Variants in HMGXB4 observed in about 807,000 individuals in gnomAD.
HMGXB4 encodes the protein HMG domain-containing protein 4.
In HMGXB4, 27 loss-of-function variants were observed where a neutral mutation model predicts 63.9. The ratio of observed to expected loss-of-function variants is 0.42; its 90% CI spans 0.31 to 0.58. The LOEUF is 0.58. Among genes scored for constraint, HMGXB4 ranks in the 20% least tolerant of loss-of-function variants. HMGXB4 has a pLI of 0.13. For missense variants in HMGXB4, 624 were observed against 700.7 expected, an observed-to-expected ratio of 0.89 and a Z score of 1.24; for synonymous variants, 264 against 265.3, an observed-to-expected ratio of 0.99 and a Z score of 0.05.
chr22:35,279,404 G>A (rs948919797), intron 5 of HMGXB4, among the ~76,000 whole-genome samples: 1 of 152,032 alleles, frequency 6.6e-6, no homozygotes, highest in South Asian at 2.1e-4. Flanking sequence ...CTCCCAAAGT[G>A]CTGGGATTAC....
the HMGXB4 span, among the ~76,000 whole-genome samples, chr22:35,250,108 T>A: frequency 2.3e-5 from 1 of 43,380 alleles, no homozygotes; most frequent in Non-Finnish European, 1.4e-4. Context: ...GTTTCTCCCA[T>A]CAGGAATGTC....
chr22:35,262,636 G>A (rs1344140592), intron 2 of HMGXB4: 1 of 588,224 alleles, frequency 1.7e-6, no homozygotes, highest in Admixed American at 3.0e-5. Flanking sequence ...TCTGAAATAT[G>A]AGTCTCTTAG....
At chr22:35,278,650 T>A (rs1924048371) in intron 5 of HMGXB4, among the ~76,000 whole-genome samples, 1 of 126,260 alleles carries the variant, frequency 7.9e-6, no homozygotes, top group African/African-American at 2.5e-5. Flanking sequence ...TATTTTTTTT[T>A]AATATTATTT....
At position 35,265,004 on chromosome 22, in the gene HMGXB4, G is replaced by C. The variant is rs1389212181; in HGVS notation, c.616G>C (p.Val206Leu). ...LSPKEKGSSS[V>L]DEESFQYPSQ... ...ACCAAAGGAGAAGGGAAGCAGCTCT[G>C]TTGATGAGGAGTCTTTTCAATATCC... Residue 206 changes from valine (V) to leucine (L), a missense_variant, in exon 5 of 11, where the codon GTT becomes CTT. Transcript: ENST00000216106. 3 of 1,613,972 alleles carry C rather than the reference G, an allele frequency of 1.9e-6. No individual in the cohort carries two copies. The East Asian group carries it at 6.7e-5, about 36-fold the overall frequency.
intron 5 of HMGXB4, among the ~76,000 whole-genome samples, chr22:35,266,055 C>T (rs1232836461): frequency 6.6e-6 from 1 of 151,756 alleles, no homozygotes; most frequent in African/African-American, 2.4e-5. Flanking sequence ...TCCCAAAGTG[C>T]TAGGATTACA....
the HMGXB4 span, among the ~76,000 whole-genome samples, chr22:35,244,634 G>A: frequency 6.6e-6 from 1 of 152,250 alleles, no homozygotes; most frequent in Admixed American, 6.5e-5. Context: ...ATTTAAAGGT[G>A]TTTTTACCTT....
At chr22:35,241,661 G>A in the HMGXB4 span, among the ~76,000 whole-genome samples, 1 of 152,190 alleles carries the variant, frequency 6.6e-6, no homozygotes, top group Non-Finnish European at 1.5e-5. Context: ...TCAGCTCCAG[G>A]TAAAGTCAAG....
chr22:35,259,109 T>C (rs1320720501), intron 1 of HMGXB4, among the ~76,000 whole-genome samples: 1 of 152,268 alleles, frequency 6.6e-6, no homozygotes, highest in Admixed American at 6.5e-5. Context: ...TGTATGCTTA[T>C]CTACCAGGGA....
Position 35,294,925 on chromosome 22 carries a change from T to A in HMGXB4, c.*1274T>A, listed in dbSNP as rs1925175270. ...CAAAAATGAATCATTGTGTTAGGAT[T>A]CTAATTCTTTATAAAGAACTTCATG... On this transcript the variant is annotated 3_prime_UTR_variant, in exon 11 of 11. Coordinates refer to ENST00000216106, the MANE Select transcript of HMGXB4 (RefSeq NM_001003681.3). 6.6e-6 allele frequency: 1 copy of A among 152,224 alleles called. No individual in the cohort carries two copies. Among genetic ancestry groups the A allele is most frequent in the East Asian group, 1.9e-4 (1 of 5,204 alleles). 9.4% of individuals were successfully genotyped at this position (152,224 alleles called of 1,614,324 possible).
chr22:35,293,063 A>C lies in HMGXB4; in HGVS notation c.1710A>C (p.Ala570=). Residue 570 remains alanine (A), a synonymous_variant, in exon 10 of 11, where the codon GCA becomes GCC. Coordinates refer to ENST00000216106, the MANE Select transcript of HMGXB4 (RefSeq NM_001003681.3). ...TTATCTGTGCCCTTGGCCCCTTGGCATGTCTCACCACACAACTACCTGAAT... is the reference window on the plus strand; with the variant it reads ...TTATCTGTGCCCTTGGCCCCTTGGCCTGTCTCACCACACAACTACCTGAAT... ...DSIICALGPL[A]CLTTQLPELN... is the part of the protein sequence containing the mutation. 6.2e-7 allele frequency: 1 copy of C among 1,614,212 alleles called. No homozygotes were observed. The highest frequency in any genetic ancestry group is 8.5e-7 in the Non-Finnish European group (1 of 1,180,044).
the HMGXB4 span, among the ~76,000 whole-genome samples, chr22:35,249,067 CT>C: frequency 2.0e-5 from 3 of 151,420 alleles, no homozygotes; most frequent in South Asian, 2.1e-4. Context: ...ATTTTCTTTT[CT>C]TTTTTTTTGA....
intron 1 of HMGXB4, 33 bp from the exon 2 acceptor site, chr22:35,262,290 A>G: frequency 2.5e-6 from 3 of 1,222,920 alleles, no homozygotes; most frequent in Non-Finnish European, 3.6e-6. Flanking sequence ...GTGATTTCGC[A>G]TTACAGGAGG....
At chr22:35,276,323 A>C (rs1389735550) in intron 5 of HMGXB4, among the ~76,000 whole-genome samples, 1 of 152,240 alleles carries the variant, frequency 6.6e-6, no homozygotes, top group East Asian at 1.9e-4. Context: ...CACCAGATGA[A>C]GTCATTGGCC....
At chr22:35,248,989 C>T in the HMGXB4 span, among the ~76,000 whole-genome samples, 1 of 152,264 alleles carries the variant, frequency 6.6e-6, no homozygotes, top group East Asian at 1.9e-4. Context: ...AGGCCTAGGG[C>T]ATTACTAAAC....
At chr22:35,286,504 C>T (rs1405737986) in intron 7 of HMGXB4, among the ~76,000 whole-genome samples, 1 of 152,182 alleles carries the variant, frequency 6.6e-6, no homozygotes, top group Admixed American at 6.5e-5. Context: ...CCTCATCAAC[C>T]ATTACCAAAT....
At chr22:35,250,629 A>G in the HMGXB4 span, among the ~76,000 whole-genome samples, 6 of 150,732 alleles carry the variant, frequency 4.0e-5, no homozygotes, top group East Asian at 1.2e-3. Flanking sequence ...CCATATCACC[A>G]TATCAACCGG....
At chr22:35,248,631 C>T in the HMGXB4 span, among the ~76,000 whole-genome samples, 1 of 152,062 alleles carries the variant, frequency 6.6e-6, no homozygotes, top group Non-Finnish European at 1.5e-5. Flanking sequence ...TCTCGAACTC[C>T]TGAGCTCAGG....
chr22:35,252,669 T>C (rs943381859), upstream of HMGXB4, among the ~76,000 whole-genome samples: 2 of 152,232 alleles, frequency 1.3e-5, no homozygotes, highest in African/African-American at 4.8e-5. Context: ...GCTAGATGCA[T>C]GAGCTGGCAA....
chr22:35,273,145 A>T (rs1452926347), intron 5 of HMGXB4, among the ~76,000 whole-genome samples: 1 of 152,210 alleles, frequency 6.6e-6, no homozygotes, highest in Non-Finnish European at 1.5e-5. Flanking sequence ...CTCTCTGGCA[A>T]ACCTGAGGCT....
Sources: allele counts gnomAD v4.1 joint callset (sites outside exome capture counted in the v4.1 genomes callset), GRCh38; gene constraint gnomAD v4.1.1; transcripts MANE v1.5; gene names NCBI Gene and HGNC (gene_info 2026-07-23, HGNC 2026-07-21).